CAMSAP3: variants seen among roughly 807,000 people sequenced by gnomAD.
CAMSAP3 encodes the protein calmodulin regulated spectrin associated protein family member 3, also known as calmodulin-regulated spectrin-associated protein 3.
A neutral mutation model predicts 112.5 loss-of-function variants in CAMSAP3; 34 were observed. That is an observed-to-expected ratio of 0.30 (90% CI 0.23 to 0.40). The LOEUF is 0.40. Ranked by LOEUF, CAMSAP3 falls within the 10% of genes least tolerant of loss-of-function variation. The probability of loss-of-function intolerance (pLI) is 1.00; values close to 1 mark genes in which losing one functional copy is unlikely to be tolerated. For synonymous variants in CAMSAP3, 868 were observed against 799.8 expected (o/e 1.09, Z -1.44); for missense variants, 1,602 against 1,770.3 (o/e 0.90, Z 1.71).
rs1363756859 is a variant in CAMSAP3, at chr19:7,615,244, A to G, written c.2732A>G (p.Gln911Arg). The G allele has an allele frequency of 1.3e-6, 2 of 1,551,360 alleles. No homozygotes were observed. The highest frequency in any genetic ancestry group is 1.7e-6 in the Non-Finnish European group (2 of 1,147,656). Residue 911 changes from glutamine to arginine, a missense_variant, in exon 12 of 17, where the codon CAG becomes CGG. This residue lies in a region of CAMSAP3 where 1,100 missense variants were observed against 1,135.7 expected (regional missense o/e 0.97). Coordinates refer to ENST00000160298, the MANE Select transcript of CAMSAP3 (RefSeq NM_020902.2). This position sits in a 1 kb window ranked among gnomAD's most constrained non-coding sequence, Gnocchi z 6.5. Reference protein sequence around the residue: ...QKRASLLERQQRRAEEARRRK... With the variant: ...QKRASLLERQRRRAEEARRRK... ...CGGGCCAGCCTGCTGGAGCGGCAGC[A>G]GCGGCGAGCAGAGGAGGCGCGGCGG...
chr19:7,612,910 G>C lies in CAMSAP3; in HGVS notation c.2417G>C (p.Ser806Thr). 2 of 1,609,652 alleles carry C rather than the reference G, an allele frequency of 1.2e-6. No homozygotes were observed. The highest frequency in any genetic ancestry group is 1.7e-6 in the Non-Finnish European group (2 of 1,179,156). Residue 806 changes from serine to threonine, a missense_variant, in exon 11 of 17, where the codon AGC becomes ACC. Physicochemically the swap from Ser to Thr is moderately conservative, Grantham distance 58. Transcript: ENST00000160298. ...RVLTPPHDVD[S>T]LPHLRKFSPS... is the part of the protein sequence containing the mutation. ...CTTACGCCACCCCACGACGTAGACA[G>C]CCTCCCCCACCTGCGCAAGTTCTCG...
Position 7,611,273 on chromosome 19 carries a change from A to G in CAMSAP3, c.1123+105A>G. 1 of 1,174,346 alleles carries G rather than the reference A, an allele frequency of 8.5e-7. No homozygotes were observed. Among genetic ancestry groups the G allele is most frequent in the Non-Finnish European group, 1.2e-6 (1 of 802,738 alleles). 72.7% of individuals were successfully genotyped at this position (1,174,346 alleles called of 1,614,324 possible). The stretch of plus-strand genomic sequence containing the variant: ...TCGTGAGCCTTCCAATAGCCTCTCC[A>G]TCAGATCCCCCTTGGGCATCCCAAA... On this transcript the variant is annotated intron_variant, in intron 9 of 16. Coordinates refer to ENST00000160298, the MANE Select transcript of CAMSAP3 (RefSeq NM_020902.2). The surrounding 1 kb of genome is among the most constrained non-coding windows in gnomAD (Gnocchi z 6.9).
At chr19:7,601,647 G>T (rs1024434196) in intron 1 of CAMSAP3, among the ~76,000 whole-genome samples, 13 of 151,690 alleles carry the variant, frequency 8.6e-5, no homozygotes, top group Admixed American at 2.6e-4. Flanking sequence ...GGAGGCTGAG[G>T]TGGGAGGGTC....
chr19:7,611,720 C>A lies in CAMSAP3; in HGVS notation c.1227C>A (p.Thr409=). ...RPLSQAVSFS[T]PFGLDSDVDV... is the part of the protein sequence containing the mutation. ...TCTCCCAGGCTGTGTCATTCAGCACCCCCTTTGGCCTGGACAGCGACGTGG... is the reference window on the plus strand; with the variant it reads ...TCTCCCAGGCTGTGTCATTCAGCACACCCTTTGGCCTGGACAGCGACGTGG... The change falls in exon 11 of 17, where the codon ACC becomes ACA. Residue 409 remains threonine, a synonymous_variant. Coordinates refer to ENST00000160298, the MANE Select transcript of CAMSAP3 (RefSeq NM_020902.2). This position sits in a 1 kb window ranked among gnomAD's most constrained non-coding sequence, Gnocchi z 6.9. 1 of 1,557,734 alleles carries A rather than the reference C, an allele frequency of 6.4e-7. No homozygotes were observed. Among genetic ancestry groups the A allele is most frequent in the Non-Finnish European group, 8.7e-7 (1 of 1,149,456 alleles).
At chr19:7,596,859 C>T (rs1264985196) in intron 1 of CAMSAP3, among the ~76,000 whole-genome samples, 1 of 152,180 alleles carries the variant, frequency 6.6e-6, no homozygotes, top group African/African-American at 2.4e-5. Context: ...CCCGCTCCTC[C>T]CGGCTGCGGG....
chr19:7,596,030 G>C lies in CAMSAP3; in HGVS notation c.28G>C (p.Gly10Arg), dbSNP rs1230026380. 1.7e-6 allele frequency: 2 copies of C among 1,205,418 alleles called. No individual in the cohort carries two copies. The highest frequency in any genetic ancestry group is 2.1e-6 in the Non-Finnish European group (2 of 945,484). 74.7% of individuals were successfully genotyped at this position (1,205,418 alleles called of 1,614,324 possible). A position where few individuals can be genotyped will look rare whatever the true frequency, so the allele number is the denominator to read the frequency against. ...GGTGGAGGCGGCGCCCCCCGGGCCC[G>C]GGCCGCTGCGGAGGACCTTTCTAGT... MVEAAPPGPGPLRRTFLVPE... is the reference protein window; with the variant it reads MVEAAPPGPRPLRRTFLVPE... The change falls in exon 1 of 17, where the codon GGG becomes CGG. Residue 10 changes from glycine to arginine, a missense_variant. Physicochemically the swap from Gly to Arg is moderately radical, Grantham distance 125 (BLOSUM62 -2). Coordinates refer to ENST00000160298, the MANE Select transcript of CAMSAP3 (RefSeq NM_020902.2).
At position 7,611,241 on chromosome 19, in the gene CAMSAP3, T is replaced by C; in HGVS notation, c.1123+73T>C. 3 of 1,443,796 alleles carry C rather than the reference T, an allele frequency of 2.1e-6. No individual in the cohort carries two copies. The highest frequency in any genetic ancestry group is 2.9e-6 in the Non-Finnish European group (3 of 1,031,332). The allele number at this position is 1,443,796 out of a possible 1,614,324, so 89.4% of individuals were successfully genotyped here. On this transcript the variant is annotated intron_variant, in intron 9 of 16. Transcript: ENST00000160298. The surrounding 1 kb of genome is among the most constrained non-coding windows in gnomAD (Gnocchi z 6.9). Reference sequence around the variant, plus strand: ...CAGACTGCCCCAGTGGGCCTCATGTTGTCTCCTCGTGAGCCTTCCAATAGC... The same window carrying C: ...CAGACTGCCCCAGTGGGCCTCATGTCGTCTCCTCGTGAGCCTTCCAATAGC...
chr19:7,613,238 A>C, intron 11 of CAMSAP3, 75 bp downstream of exon 11: 1 of 511,446 alleles, frequency 2.0e-6, no homozygotes, highest in South Asian at 3.9e-5. Flanking sequence ...GAGGTGGACA[A>C]ACCCACTATT....
chr19:7,600,970 C>T (rs2029941476), intron 1 of CAMSAP3, among the ~76,000 whole-genome samples: 1 of 150,724 alleles, frequency 6.6e-6, no homozygotes, highest in Admixed American at 6.6e-5. Context: ...ATTTATCCAT[C>T]CATCCATCCA....
In CAMSAP3 at chr19:7,611,723, C is replaced by A. The variant is rs914885689; in HGVS notation, c.1230C>A (p.Pro410=). 4 of 1,563,410 alleles carry A rather than the reference C, an allele frequency of 2.6e-6. No homozygotes were observed. Among genetic ancestry groups the A allele is most frequent in the Middle Eastern group, 1.7e-4 (1 of 5,856 alleles). Residue 410 remains proline (P), a synonymous_variant, in exon 11 of 17, where the codon CCC becomes CCA. Coordinates refer to ENST00000160298, the MANE Select transcript of CAMSAP3 (RefSeq NM_020902.2). This position sits in a 1 kb window ranked among gnomAD's most constrained non-coding sequence, Gnocchi z 6.9. The stretch of plus-strand genomic sequence containing the variant: ...CCCAGGCTGTGTCATTCAGCACCCC[C>A]TTTGGCCTGGACAGCGACGTGGATG... ...PLSQAVSFST[P]FGLDSDVDVV... is the part of the protein sequence containing the mutation.
At chr19:7,608,704 G>A (rs1403941881) in intron 5 of CAMSAP3, among the ~76,000 whole-genome samples, 1 of 148,074 alleles carries the variant, frequency 6.8e-6, no homozygotes, top group Non-Finnish European at 1.5e-5. Context: ...GCATGATCTC[G>A]GCTCACTGCA....
chr19:7,616,704 C>G, intron 14 of CAMSAP3, 82 bp downstream of exon 14: 2 of 1,008,036 alleles, frequency 2.0e-6, no homozygotes, highest in Non-Finnish European at 3.1e-6. Context: ...CTGGGTGAAC[C>G]TAGAGGGCGG....
In CAMSAP3 at chr19:7,606,521, C is replaced by T. The variant is rs201421228; in HGVS notation, c.571C>T (p.Arg191Ter). 5 of 1,546,692 alleles carry T rather than the reference C, an allele frequency of 3.2e-6. No homozygotes were observed. The highest frequency in any genetic ancestry group is 4.3e-6 in the Non-Finnish European group (5 of 1,155,162). Reference sequence around the variant, plus strand: ...GAAGACCGAGCAGGAAGCGGCCCAGCGAGCCTCTCCAGCAGCCCCTGCAGA... The same window carrying T: ...GAAGACCGAGCAGGAAGCGGCCCAGTGAGCCTCTCCAGCAGCCCCTGCAGA... ...QEKTEQEAAQ[R>*]ASPAAPADGA... The change falls in exon 4 of 17, where the codon CGA (arginine) becomes TGA (stop). Residue 191 changes from arginine (R) to a stop codon, truncating the protein, a stop_gained. Coordinates refer to ENST00000160298, the MANE Select transcript of CAMSAP3 (RefSeq NM_020902.2). LOFTEE classifies it high-confidence loss of function.
rs749893426 is a variant in CAMSAP3 at position 7,612,774 on chromosome 19, C to T, written c.2281C>T (p.Arg761Trp). Residue 761 changes from arginine (R) to tryptophan (W), a missense_variant, in exon 11 of 17, where the codon CGG (arginine) becomes TGG (tryptophan). Coordinates refer to ENST00000160298, the MANE Select transcript of CAMSAP3 (RefSeq NM_020902.2). ...GPKAASPSPA[R>W]RVPATRRSPG... ...CAAAGCTGCATCCCCCAGCCCCGCC[C>T]GGCGAGTCCCGGCCACCCGGCGCAG... 10 of 1,531,318 alleles carry T rather than the reference C, an allele frequency of 6.5e-6. No homozygotes were observed. The East Asian group carries it at 1.7e-4, about 27-fold the overall frequency. The allele number at this position is 1,531,318 out of a possible 1,614,324, so 94.9% of individuals were successfully genotyped here.
rs745809223 is a variant in CAMSAP3, at chr19:7,618,097, C to T, written c.*40C>T. 76 of 1,579,578 alleles carry T rather than the reference C, an allele frequency of 4.8e-5. No individual in the cohort carries two copies. Among genetic ancestry groups the T allele is most frequent in the Middle Eastern group, 3.9e-4 (2 of 5,182 alleles). On this transcript the variant is annotated 3_prime_UTR_variant, in exon 17 of 17. Coordinates refer to ENST00000160298, the MANE Select transcript of CAMSAP3 (RefSeq NM_020902.2). ...TCCACGGGCCGGGCCCTGTGTGCTG[C>T]GGCCGCCATCCCCTGGAGGACAGTC...
At chr19:7,599,402 ATT>A (rs2029863847) in intron 1 of CAMSAP3, among the ~76,000 whole-genome samples, 1 of 130,342 alleles carries the variant, frequency 7.7e-6, no homozygotes, top group African/African-American at 3.0e-5. Flanking sequence ...CCATCCACCC[ATT>A]CATTCATCCA....
chr19:7,599,612 C>G (rs2029866135), intron 1 of CAMSAP3, among the ~76,000 whole-genome samples: 1 of 101,704 alleles, frequency 9.8e-6, no homozygotes, highest in South Asian at 3.9e-4. Context: ...TCACCGCACT[C>G]ATCCATCCAC....
In CAMSAP3 at chr19:7,616,557, CCT is replaced by C; in HGVS notation, c.3148_3149del (p.Leu1050ValfsTer12). 1 of 1,613,294 alleles carries C rather than the reference CCT, an allele frequency of 6.2e-7. No individual in the cohort carries two copies. The highest frequency in any genetic ancestry group is 8.5e-7 in the Non-Finnish European group (1 of 1,179,844). On this transcript the variant is annotated frameshift_variant, in exon 14 of 17. Coordinates refer to ENST00000160298, the MANE Select transcript of CAMSAP3 (RefSeq NM_020902.2). LOFTEE classifies it high-confidence loss of function. ...TGAGCAAAATCTATTCCCAGTCCACCCTGTCACTGTCCACTGTGGCCAACGAG... is the reference window on the plus strand; with the variant it reads ...TGAGCAAAATCTATTCCCAGTCCACCGTCACTGTCCACTGTGGCCAACGAG... ...RLSKIYSQST[L>X]SLSTVANEAH... is the part of the protein sequence containing the mutation.
At chr19:7,599,608 C>T (rs1286984487) in intron 1 of CAMSAP3, among the ~76,000 whole-genome samples, 1 of 102,238 alleles carries the variant, frequency 9.8e-6, no homozygotes, top group Admixed American at 1.1e-4. Flanking sequence ...CTACTCACCG[C>T]ACTCATCCAT....
Sources: allele counts gnomAD v4.1 joint callset (sites outside exome capture counted in the v4.1 genomes callset), GRCh38; gene constraint gnomAD v4.1.1; regional missense constraint gnomAD v4.1.1; non-coding constraint Gnocchi (gnomAD v3.1); transcripts MANE v1.5; gene names NCBI Gene and HGNC (gene_info 2026-07-23, HGNC 2026-07-21).